SPSB4: variants seen among roughly 807,000 people sequenced by gnomAD.
SPSB4 encodes splA/ryanodine receptor domain and SOCS box containing 4, also known as SPRY domain-containing SOCS box protein 4.
Under a neutral mutation model 20.9 loss-of-function variants are expected in SPSB4, and 21 were observed. The ratio of observed to expected loss-of-function variants is 1.01; its 90% CI spans 0.71 to 1.45. SPSB4 has a LOEUF of 1.45. Ranked by LOEUF, SPSB4 falls within the 40% of genes most tolerant of loss-of-function variation. SPSB4 has a pLI of 0.00. For synonymous variants in SPSB4, 207 were observed against 183.8 expected, an observed-to-expected ratio of 1.13 and a Z score of -1.02; for missense variants, 399 against 399.2, an observed-to-expected ratio of 1.00 and a Z score of 0.00.
chr3:141,075,085 ATGTT>A (rs1938080539), intron 2 of SPSB4, among the ~76,000 whole-genome samples: 1 of 135,600 alleles, frequency 7.4e-6, no homozygotes, highest in Non-Finnish European at 1.5e-5. Flanking sequence ...CCCCTTGAAA[ATGTT>A]CCCCATCAGA....
intron 2 of SPSB4, among the ~76,000 whole-genome samples, chr3:141,107,213 G>T (rs1280173758): frequency 6.6e-6 from 1 of 152,236 alleles, no homozygotes; most frequent in African/African-American, 2.4e-5. Context: ...GGCAGGTGAC[G>T]GATGCTGGAG....
chr3:141,083,582 C>A (rs1233927438), intron 2 of SPSB4, among the ~76,000 whole-genome samples: 1 of 152,062 alleles, frequency 6.6e-6, no homozygotes, highest in Non-Finnish European at 1.5e-5. Context: ...GCCTCCACAT[C>A]CCCCGGCGGG....
chr3:141,112,718 G>A (rs891994243), intron 2 of SPSB4, among the ~76,000 whole-genome samples: 60 of 150,050 alleles, frequency 4.0e-4, no homozygotes, highest in Non-Finnish European at 8.0e-4. Context: ...CCCTCTGCCT[G>A]CTGACTGGGC....
At chr3:141,084,815 T>C (rs1054942615) in intron 2 of SPSB4, among the ~76,000 whole-genome samples, 4 of 152,236 alleles carry the variant, frequency 2.6e-5, no homozygotes, top group Admixed American at 1.3e-4. Flanking sequence ...CTCCAGATGC[T>C]CATTCATACC....
chr3:141,062,863 A>G (rs531892116), intron 1 of SPSB4, among the ~76,000 whole-genome samples: 1 of 152,222 alleles, frequency 6.6e-6, no homozygotes, highest in Admixed American at 6.5e-5. Flanking sequence ...TTCAAGGTAT[A>G]GAATTTGATG....
intron 2 of SPSB4, among the ~76,000 whole-genome samples, chr3:141,085,229 A>C (rs973826860): frequency 1.3e-5 from 2 of 152,212 alleles, no homozygotes; most frequent in African/African-American, 4.8e-5. Context: ...CTAGGGGAGA[A>C]AATGAGGAGT....
intron 2 of SPSB4, among the ~76,000 whole-genome samples, chr3:141,142,251 G>A (rs776464447): frequency 1.1e-4 from 17 of 152,100 alleles, no homozygotes; most frequent in Admixed American, 2.0e-4. Flanking sequence ...CACTATTATC[G>A]TTCCATTCAA....
At chr3:141,053,257 A>G (rs2107772669) in intron 1 of SPSB4, among the ~76,000 whole-genome samples, 1 of 145,148 alleles carries the variant, frequency 6.9e-6, no homozygotes, top group Non-Finnish European at 1.5e-5. Context: ...TAAGTCTGGA[A>G]GACGTAAAAT....
intron 2 of SPSB4, chr3:141,080,557 C>T (rs1189076291): frequency 2.0e-5 from 3 of 152,668 alleles, no homozygotes; most frequent in East Asian, 1.9e-4. Flanking sequence ...ATGCTGCAGC[C>T]TCTCCACATT....
At chr3:141,106,282 T>C (rs890123017) in intron 2 of SPSB4, among the ~76,000 whole-genome samples, 2 of 152,148 alleles carry the variant, frequency 1.3e-5, no homozygotes, top group Non-Finnish European at 2.9e-5. Context: ...GTTGGGGAGA[T>C]AGTGTGGGGC....
intron 2 of SPSB4, among the ~76,000 whole-genome samples, chr3:141,113,533 G>C (rs1938836838): frequency 6.6e-6 from 1 of 152,150 alleles, no homozygotes; most frequent in Non-Finnish European, 1.5e-5. Context: ...AAAGAAACCT[G>C]ATACAAAAGG....
intron 2 of SPSB4, among the ~76,000 whole-genome samples, chr3:141,088,257 T>G (rs1938388415): frequency 6.6e-6 from 1 of 152,182 alleles, no homozygotes; most frequent in African/African-American, 2.4e-5. Context: ...GGGCGCACAG[T>G]TAAATGTACT....
chr3:141,066,900 T>A (rs1001737436), intron 2 of SPSB4, 102 bp downstream of exon 2: 4 of 1,192,796 alleles, frequency 3.4e-6, no homozygotes, highest in Non-Finnish European at 4.5e-6. Flanking sequence ...GATCCTGCAA[T>A]GTGGAGGAAT....
rs2107810473 is a variant in SPSB4, at chr3:141,147,390, T to G, written c.*121T>G. On this transcript the variant is annotated 3_prime_UTR_variant, in exon 3 of 3. Transcript: ENST00000310546. Reference sequence around the variant, plus strand: ...CCCTTCTCCTGGCTCCCCAGGACACTCAGTTCTTTCAAAGACCAGGATGTG... The same window carrying G: ...CCCTTCTCCTGGCTCCCCAGGACACGCAGTTCTTTCAAAGACCAGGATGTG... 8 of 1,475,506 alleles carry G rather than the reference T, an allele frequency of 5.4e-6. No homozygotes were observed. Among genetic ancestry groups the G allele is most frequent in the Non-Finnish European group, 7.3e-6 (8 of 1,094,542 alleles). 91.4% of individuals were successfully genotyped at this position (1,475,506 alleles called of 1,614,324 possible).
intron 2 of SPSB4, among the ~76,000 whole-genome samples, chr3:141,114,686 T>C (rs1179130876): frequency 6.6e-6 from 1 of 152,256 alleles, no homozygotes; most frequent in Non-Finnish European, 1.5e-5. Context: ...CTGTGGTCTT[T>C]TGAGAAACTG....
At chr3:141,056,175 T>C (rs865987592) in intron 1 of SPSB4, among the ~76,000 whole-genome samples, 4 of 152,222 alleles carry the variant, frequency 2.6e-5, no homozygotes, top group South Asian at 2.1e-4. Context: ...GCTGGAGCAG[T>C]GCCAAAGTCA....
intron 2 of SPSB4, among the ~76,000 whole-genome samples, chr3:141,124,756 T>C (rs1939024673): frequency 6.6e-6 from 1 of 151,728 alleles, no homozygotes. Flanking sequence ...AGTACAGCAG[T>C]AAGGAGGAAG....
At chr3:141,117,245 A>C (rs1576536793) in intron 2 of SPSB4, 1 of 152,214 alleles carries the variant, frequency 6.6e-6, no homozygotes, top group Non-Finnish European at 1.5e-5. Context: ...ACTCCCCACG[A>C]GGCAGGTGAT....
intron 2 of SPSB4, among the ~76,000 whole-genome samples, chr3:141,099,185 C>CTTT (rs368249255): frequency 7.2e-6 from 1 of 139,388 alleles, no homozygotes; most frequent in Non-Finnish European, 1.6e-5. Flanking sequence ...GATAATATGA[C>CTTT]TTTTTTTTTT....
Sources: gnomAD v4.1 joint callset for allele counts (sites outside exome capture counted in the v4.1 genomes callset) on GRCh38, gnomAD v4.1.1 for gene constraint, MANE v1.5 for transcripts, NCBI Gene and HGNC (gene_info 2026-07-23, HGNC 2026-07-21) for gene names.